Variants in CDH13 observed in about 807,000 individuals in gnomAD.
CDH13 encodes cadherin 13.
Under a neutral mutation model 63.8 loss-of-function variants are expected in CDH13, and 24 were observed. That is an observed-to-expected ratio of 0.38 (90% confidence interval 0.27 to 0.53). The LOEUF (loss-of-function observed/expected upper bound fraction) is 0.53. CDH13 is among the 20% of genes least tolerant of loss of function. CDH13 has a pLI of 0.85. For synonymous variants in CDH13, 503 were observed against 355.3 expected, an observed-to-expected ratio of 1.42 and a Z score of -4.67; for missense variants, 1,049 against 903.1, an observed-to-expected ratio of 1.16 and a Z score of -2.07.
chr16:83,555,857 A>T (rs540422412), intron 7 of CDH13, among the ~76,000 whole-genome samples: 1 of 152,352 alleles, frequency 6.6e-6, no homozygotes, highest in Non-Finnish European at 1.5e-5. Flanking sequence ...CAAGGACTGT[A>T]CATGACATAT....
At chr16:83,416,127 C>G (rs1567657451) in intron 6 of CDH13, among the ~76,000 whole-genome samples, 1 of 152,078 alleles carries the variant, frequency 6.6e-6, no homozygotes, top group Admixed American at 6.5e-5. Flanking sequence ...AAAAGGAAAT[C>G]AAGAAAACAA....
chr16:83,352,231 G>C (rs1258600136), intron 6 of CDH13, among the ~76,000 whole-genome samples: 1 of 152,132 alleles, frequency 6.6e-6, no homozygotes. Context: ...TGAAAGAGTT[G>C]CATAATCCAA....
intron 1 of CDH13, among the ~76,000 whole-genome samples, chr16:82,732,693 C>T (rs1025895882): frequency 2.0e-5 from 3 of 152,158 alleles, no homozygotes; most frequent in Non-Finnish European, 2.9e-5. Context: ...GTGCTAGTGA[C>T]CACAGATATC....
At chr16:83,473,244 C>A (rs538964867) in intron 6 of CDH13, among the ~76,000 whole-genome samples, 1 of 152,200 alleles carries the variant, frequency 6.6e-6, no homozygotes, top group African/African-American at 2.4e-5. Flanking sequence ...TCACAGGCAG[C>A]CGACTTCCCA....
At chr16:83,252,148 A>ATATG (rs1555519956) in intron 5 of CDH13, among the ~76,000 whole-genome samples, 2 of 144,564 alleles carry the variant, frequency 1.4e-5, no homozygotes, top group African/African-American at 5.1e-5. Flanking sequence ...GTATATATAT[A>ATATG]TATATCTTTA....
chr16:83,152,243 C>T (rs1319570074), intron 4 of CDH13, among the ~76,000 whole-genome samples: 1 of 152,154 alleles, frequency 6.6e-6, no homozygotes, highest in Non-Finnish European at 1.5e-5. Flanking sequence ...TGAACTAGTG[C>T]TCTCTTGAAA....
At chr16:83,499,392 T>G (rs985811019) in intron 7 of CDH13, among the ~76,000 whole-genome samples, 1 of 152,240 alleles carries the variant, frequency 6.6e-6, no homozygotes. Context: ...TTTTCCACAG[T>G]GCAGTGTCTG....
intron 2 of CDH13, among the ~76,000 whole-genome samples, chr16:82,864,731 C>T (rs893346576): frequency 8.5e-5 from 13 of 152,146 alleles, no homozygotes; most frequent in Admixed American, 7.9e-4. Context: ...CCTGGTTCCT[C>T]CCAAATCTCA....
chr16:82,912,058 G>T (rs886281965), intron 2 of CDH13, among the ~76,000 whole-genome samples: 1 of 151,812 alleles, frequency 6.6e-6, no homozygotes, highest in African/African-American at 2.4e-5. Flanking sequence ...CTAATTCCAC[G>T]GCCGCCCCTG....
At chr16:83,713,057 T>G (rs1290905477) in intron 10 of CDH13, among the ~76,000 whole-genome samples, 1 of 152,242 alleles carries the variant, frequency 6.6e-6, no homozygotes, top group African/African-American at 2.4e-5. Flanking sequence ...CTGAGCACTT[T>G]AGGCCTTTTA....
At chr16:82,910,824 T>C (rs902446073) in intron 2 of CDH13, among the ~76,000 whole-genome samples, 1 of 152,164 alleles carries the variant, frequency 6.6e-6, no homozygotes, top group Admixed American at 6.5e-5. Flanking sequence ...ATTGTCCCTT[T>C]CAGAGCACAG....
chr16:83,597,181 C>A (rs1907343749), intron 7 of CDH13, among the ~76,000 whole-genome samples: 1 of 151,828 alleles, frequency 6.6e-6, no homozygotes, highest in African/African-American at 2.4e-5. Context: ...TGTGATCATG[C>A]CACTGCACTC....
intron 3 of CDH13, among the ~76,000 whole-genome samples, chr16:83,124,009 A>G (rs2035702311): frequency 6.6e-6 from 1 of 152,022 alleles, no homozygotes. Context: ...TGTCCTTTTG[A>G]AGAATGTCTG....
chr16:83,217,648 T>A (rs1279738586), intron 5 of CDH13, among the ~76,000 whole-genome samples, 151 bp downstream of exon 5: 1 of 152,134 alleles, frequency 6.6e-6, no homozygotes, highest in East Asian at 1.9e-4. Flanking sequence ...GTGGATGGAA[T>A]TGAACCCTGA....
chr16:83,524,445 CTTTTTTTTTT>C lies in CDH13; in HGVS notation c.960+37806_960+37815del, dbSNP rs150233410. Among the ~76,000 whole-genome samples the C allele has an allele frequency of 5.1e-5, 3 of 59,282 alleles. No individual in the cohort carries two copies. The East Asian group carries it at 1.8e-3, about 36-fold the overall frequency. The allele number at this position is 59,282 out of a possible 152,430, so 38.9% of individuals were successfully genotyped here. On this transcript the variant is annotated intron_variant, in intron 7 of 13. Coordinates refer to ENST00000567109, the MANE Select transcript of CDH13 (RefSeq NM_001257.5). ...TGAATTTCATGTCTTTTTCTTTTTT[CTTTTTTTTTT>C]TTTTTTTTTTTTTTTGAGATGAAGT...
At chr16:82,944,176 C>T (rs910190200) in intron 2 of CDH13, among the ~76,000 whole-genome samples, 4 of 152,160 alleles carry the variant, frequency 2.6e-5, no homozygotes, top group African/African-American at 7.2e-5. Context: ...CAAACCACAC[C>T]TTTCTTTGTC....
chr16:82,864,890 T>A (rs1253364749), intron 2 of CDH13, among the ~76,000 whole-genome samples: 4 of 152,126 alleles, frequency 2.6e-5, no homozygotes, highest in Non-Finnish European at 4.4e-5. Context: ...AAAATCAAGT[T>A]AGCTGCTTCC....
chr16:83,021,903 G>C (rs138419488), intron 2 of CDH13, among the ~76,000 whole-genome samples: 1 of 152,304 alleles, frequency 6.6e-6, no homozygotes, highest in East Asian at 1.9e-4. Flanking sequence ...TCTGTAGGGT[G>C]TGCTTCTTGA....
In CDH13 at chr16:83,374,264, C is replaced by G. The variant is rs116526287; in HGVS notation, c.781+29258C>G. ...TATTTCAATATACCTCCATTTTACT[C>G]CAGGTAAAAGGTTTCTTGCATCCAT... On this transcript the variant is annotated intron_variant, in intron 6 of 13. Coordinates refer to ENST00000567109, the MANE Select transcript of CDH13 (RefSeq NM_001257.5). Among the ~76,000 whole-genome samples, 676 of 152,262 alleles carry G rather than the reference C, an allele frequency of 4.4e-3. 7 individuals are homozygous for G. The highest frequency in any genetic ancestry group is 0.016 in the African/African-American group (644 of 41,544).
Sources: gnomAD v4.1 joint callset for allele counts (sites outside exome capture counted in the v4.1 genomes callset) on GRCh38, gnomAD v4.1.1 for gene constraint, MANE v1.5 for transcripts, NCBI Gene and HGNC (gene_info 2026-07-23, HGNC 2026-07-21) for gene names.